ZNF492: variants seen among roughly 807,000 people sequenced by gnomAD.
ZNF492 encodes the protein zinc finger protein 115 (Y20).
In ZNF492, 3 loss-of-function variants were observed where a neutral mutation model predicts 6.4. The observed-to-expected ratio is 0.47, with a 90% CI of 0.21 to 1.22. ZNF492 has a LOEUF of 1.22. ZNF492 is among the 50% of genes most tolerant of loss of function. The pLI is 0.22. For synonymous variants in ZNF492, 112 were observed against 205.3 expected, an observed-to-expected ratio of 0.55 and a Z score of 3.89; for missense variants, 356 against 612.5, an observed-to-expected ratio of 0.58 and a Z score of 4.42.
intron 1 of ZNF492, among the ~76,000 whole-genome samples, chr19:22,647,630 G>T (rs554903074): frequency 1.3e-5 from 2 of 148,798 alleles, no homozygotes; most frequent in East Asian, 4.0e-4. Context: ...GGTTTTTCAT[G>T]TCTATCTCCT....
intron 3 of ZNF492, among the ~76,000 whole-genome samples, 160 bp from the exon 4 acceptor site, chr19:22,663,640 T>G (rs1972081233): frequency 6.6e-6 from 1 of 152,150 alleles, no homozygotes; most frequent in African/African-American, 2.4e-5. Context: ...GAAATGTAAT[T>G]TGTTCTGTAT....
chr19:22,650,198 TG>T (rs1444520002), intron 1 of ZNF492, among the ~76,000 whole-genome samples: 2 of 152,172 alleles, frequency 1.3e-5, no homozygotes, highest in Non-Finnish European at 2.9e-5. Context: ...TGTGGTTTGC[TG>T]GGGGTTCACT....
At chr19:22,636,548 G>GTT (rs1971767243) in intron 1 of ZNF492, among the ~76,000 whole-genome samples, 1 of 150,914 alleles carries the variant, frequency 6.6e-6, no homozygotes, top group African/African-American at 2.4e-5. Context: ...GTGTGTGTTT[G>GTT]TGTGTGTGCG....
chr19:22,659,561 T>TACACACACACACACAC lies in ZNF492; in HGVS notation c.131-4223_131-4208dup, dbSNP rs569041771. Reference sequence around the variant, plus strand: ...ATATGTTTGGAGCCCTAATGTGAGATACACACACACACACACACACACACA... The same window carrying TACACACACACACACAC: ...ATATGTTTGGAGCCCTAATGTGAGATACACACACACACACACACACACACACACACACACACACACA... On this transcript the variant is annotated intron_variant, in intron 3 of 3. Coordinates refer to ENST00000456783, the MANE Select transcript of ZNF492 (RefSeq NM_020855.3). 8.6e-4 allele frequency among the ~76,000 whole-genome samples: 120 copies of TACACACACACACACAC among 138,756 alleles called. 1 individual carries two copies. Among genetic ancestry groups the TACACACACACACACAC allele is most frequent in the Non-Finnish European group, 1.6e-3 (101 of 65,076 alleles). The allele number at this position is 138,756 out of a possible 152,430, so 91.0% of individuals were successfully genotyped here. A position where few individuals can be genotyped will look rare whatever the true frequency, so the allele number is the denominator to read the frequency against.
In ZNF492 at chr19:22,665,011, C is replaced by G. The variant is rs1972107553; in HGVS notation, c.1342C>G (p.Pro448Ala). 1.3e-6 allele frequency: 2 copies of G among 1,579,572 alleles called. No individual in the cohort carries two copies. The highest frequency in any genetic ancestry group is 4.6e-5 in the East Asian group (2 of 43,860). Residue 448 changes from proline to alanine, a missense_variant, in exon 4 of 4, where the codon CCC becomes GCC. This residue lies in a region of ZNF492 where 81 missense variants were observed against 115.4 expected (regional missense o/e 0.70). Coordinates refer to ENST00000456783, the MANE Select transcript of ZNF492 (RefSeq NM_020855.3). ...KHKVIHTGEKPYKYEECGKAF... is the reference protein window; with the variant it reads ...KHKVIHTGEKAYKYEECGKAF... ...TAAGGTAATTCATACTGGAGAGAAG[C>G]CCTACAAATATGAAGAATGTGGCAA...
In ZNF492 at chr19:22,664,282, G is replaced by T. The variant is rs71236901; in HGVS notation, c.613G>T (p.Ala205Ser). 0.13 allele frequency: 198,703 copies of T among 1,572,778 alleles called. 12,340 individuals are homozygous for T. Among genetic ancestry groups the T allele is most frequent in the African/African-American group, 0.34 (24,572 of 71,538 alleles). The part of the protein sequence containing the change: ...KPYKCEECGK[A>S]FNRLSHLTTH... ...CTACAAATGCGAAGAGTGTGGAAAA[G>T]CCTTTAACCGGCTCTCACACCTTAC... is the stretch of plus-strand genomic sequence containing the variant. Residue 205 changes from alanine (A) to serine (S), a missense_variant, in exon 4 of 4, where the codon GCC becomes TCC. Ala to Ser is a moderately conservative substitution (Grantham distance 99). This residue lies in a region of ZNF492 where 21 missense variants were observed against 43.4 expected (regional missense o/e 0.48). Coordinates refer to ENST00000456783, the MANE Select transcript of ZNF492 (RefSeq NM_020855.3).
At position 22,636,514 on chromosome 19, in the gene ZNF492, CTGTGTGTG is replaced by C. The variant is rs141601969; in HGVS notation, c.-94+2064_-94+2071del. On this transcript the variant is annotated intron_variant, in intron 1 of 3. Transcript: ENST00000456783. ...ATGTTGCTTCAAAGGACATGATCTT[CTGTGTGTG>C]TGTGTGTGTGTGTGTGTGTGTGTTT... Among the ~76,000 whole-genome samples the C allele has an allele frequency of 2.5e-3, 368 of 147,312 alleles. 1 individual carries two copies. The highest frequency in any genetic ancestry group is 7.9e-3 in the African/African-American group (323 of 40,670).
chr19:22,656,501 T>C (rs12985488), intron 3 of ZNF492, among the ~76,000 whole-genome samples: 4,343 of 152,138 alleles, frequency 0.029, 77 homozygotes, highest in East Asian at 0.074. Flanking sequence ...GAACTTGCCA[T>C]GAACTGTGGC....
At position 22,654,004 on chromosome 19, in the gene ZNF492, C is replaced by A. The variant is rs200412805; in HGVS notation, c.119C>A (p.Ala40Asp). Residue 40 changes from alanine (A) to aspartate (D), a missense_variant, in exon 3 of 4, where the codon GCT becomes GAT. By Grantham distance (126) the Ala-to-Asp change is moderately radical. Transcript: ENST00000456783. Reference sequence around the variant, plus strand: ...AATGTGAAGAGACATGAGATGGTAGCTGAACCCCCAGGTAGGTGAGAGTGA... The same window carrying A: ...AATGTGAAGAGACATGAGATGGTAGATGAACCCCCAGGTAGGTGAGAGTGA... The part of the protein sequence containing the change: ...PWNVKRHEMV[A>D]EPPVVCSYFA... The A allele has an allele frequency of 8.8e-6, 14 of 1,599,436 alleles. No homozygotes were observed. Among genetic ancestry groups the A allele is most frequent in the Non-Finnish European group, 1.2e-5 (14 of 1,175,870 alleles).
At position 22,653,801 on chromosome 19, in the gene ZNF492, G is replaced by A. The variant is rs575728239; in HGVS notation, c.35-119G>A. On this transcript the variant is annotated intron_variant, in intron 2 of 3. Coordinates refer to ENST00000456783, the MANE Select transcript of ZNF492 (RefSeq NM_020855.3). ...CTAAATATTTAAAATTTTTTGTTGTGTATTAGTATTTTGGAATCAATTTAC... is the reference window on the plus strand; with the variant it reads ...CTAAATATTTAAAATTTTTTGTTGTATATTAGTATTTTGGAATCAATTTAC... The A allele has an allele frequency of 6.9e-5, 70 of 1,008,282 alleles. No individual in the cohort carries two copies. In the Admixed American group the frequency reaches 7.0e-4, roughly 10 times the overall value. 62.5% of individuals were successfully genotyped at this position (1,008,282 alleles called of 1,614,324 possible).
intron 1 of ZNF492, among the ~76,000 whole-genome samples, chr19:22,652,787 G>A (rs750263904): frequency 3.9e-5 from 6 of 152,048 alleles, no homozygotes; most frequent in South Asian, 2.1e-4. Flanking sequence ...CACCGTGTTA[G>A]CCAGGATAGT....
intron 3 of ZNF492, among the ~76,000 whole-genome samples, chr19:22,663,185 A>G (rs1386355314): frequency 6.6e-6 from 1 of 152,016 alleles, no homozygotes; most frequent in East Asian, 1.9e-4. Flanking sequence ...CATTTATTAA[A>G]TAGGGAATCC....
At chr19:22,643,105 A>G (rs536464048) in intron 1 of ZNF492, among the ~76,000 whole-genome samples, 1 of 152,166 alleles carries the variant, frequency 6.6e-6, no homozygotes, top group Admixed American at 6.5e-5. Flanking sequence ...TCTACTAAAA[A>G]TACAACAACA....
intron 1 of ZNF492, among the ~76,000 whole-genome samples, chr19:22,638,937 G>C (rs962154662): frequency 6.6e-6 from 1 of 151,950 alleles, no homozygotes; most frequent in East Asian, 1.9e-4. Context: ...CTGCCTCCCG[G>C]GTTCAAGCAA....
intron 1 of ZNF492, among the ~76,000 whole-genome samples, chr19:22,648,097 C>T (rs1160012024): frequency 1.3e-5 from 2 of 152,080 alleles, no homozygotes; most frequent in African/African-American, 4.8e-5. Flanking sequence ...CTTATGTGGG[C>T]ATTTGGTGCT....
intron 1 of ZNF492, 55 bp downstream of exon 1, chr19:22,634,529 G>A: frequency 1.5e-6 from 2 of 1,358,522 alleles, no homozygotes; most frequent in Non-Finnish European, 2.1e-6. Context: ...GTTGGAACCG[G>A]TGGCAAGAGG....
At chr19:22,647,410 C>G (rs1303384967) in intron 1 of ZNF492, among the ~76,000 whole-genome samples, 3 of 150,890 alleles carry the variant, frequency 2.0e-5, no homozygotes, top group Non-Finnish European at 3.0e-5. Flanking sequence ...GTGCCCGCCA[C>G]TACACCCAGT....
At position 22,634,430 on chromosome 19, in the gene ZNF492, AG is replaced by A; in HGVS notation, c.-137del. The A allele has an allele frequency of 1.4e-6, 2 of 1,384,546 alleles. No individual in the cohort carries two copies. The highest frequency in any genetic ancestry group is 2.0e-6 in the Non-Finnish European group (2 of 986,518). 85.8% of individuals were successfully genotyped at this position (1,384,546 alleles called of 1,614,324 possible). A position where few individuals can be genotyped will look rare whatever the true frequency, so the allele number is the denominator to read the frequency against. ...GGCCCTGTGACCTGCAGGTATTGGG[AG>A]ATCCACAGCTAAGACGCTAGGACCC... On this transcript the variant is annotated 5_prime_UTR_variant, in exon 1 of 4. Coordinates refer to ENST00000456783, the MANE Select transcript of ZNF492 (RefSeq NM_020855.3).
Position 22,634,353 on chromosome 19 carries a change from G to A in ZNF492, c.-215G>A. The stretch of plus-strand genomic sequence containing the variant: ...TTGTCTCTCGCTGCAGTCGGAGTAT[G>A]GTCTAGTGTTCGCTGTTCTGCGTCC... On this transcript the variant is annotated 5_prime_UTR_variant, in exon 1 of 4. It removes an upstream start codon present in the reference 5' UTR. Coordinates refer to ENST00000456783, the MANE Select transcript of ZNF492 (RefSeq NM_020855.3). 9.3e-7 allele frequency: 1 copy of A among 1,079,048 alleles called. No individual in the cohort carries two copies. Among genetic ancestry groups the A allele is most frequent in the Non-Finnish European group, 1.4e-6 (1 of 731,200 alleles). The allele number at this position is 1,079,048 out of a possible 1,614,324, so 66.8% of individuals were successfully genotyped here.
Sources: allele counts gnomAD v4.1 joint callset (sites outside exome capture counted in the v4.1 genomes callset), GRCh38; gene constraint gnomAD v4.1.1; regional missense constraint gnomAD v4.1.1; transcripts MANE v1.5; gene names NCBI Gene and HGNC (gene_info 2026-07-23, HGNC 2026-07-21).